SENP6: variants seen among roughly 807,000 people sequenced by gnomAD.
SENP6 encodes SUMO specific peptidase 6.
A neutral mutation model predicts 134.5 loss-of-function variants in SENP6; 41 were observed. The observed-to-expected ratio is 0.30, with a 90% confidence interval of 0.24 to 0.40. The LOEUF is 0.40. Among genes scored for constraint, SENP6 ranks in the 10% least tolerant of loss-of-function variants. SENP6 has a pLI of 1.00. For synonymous variants in SENP6, 395 were observed against 429.8 expected (o/e 0.92, Z 1.00); for missense variants, 1,248 against 1,312.5 (o/e 0.95, Z 0.76).
intron 7 of SENP6, 52 bp downstream of exon 7, chr6:75,647,853 A>G: frequency 7.3e-7 from 1 of 1,363,054 alleles, no homozygotes; most frequent in East Asian, 2.3e-5. Flanking sequence ...TGCTGTATGA[A>G]AAGTACAATG....
chr6:75,682,974 T>C (rs1773569830), intron 16 of SENP6, among the ~76,000 whole-genome samples: 1 of 152,218 alleles, frequency 6.6e-6, no homozygotes, highest in Non-Finnish European at 1.5e-5. Context: ...CCTTGAGGAA[T>C]CGCCACACTG....
At chr6:75,665,583 A>G (rs2149867686) in intron 9 of SENP6, among the ~76,000 whole-genome samples, 1 of 152,328 alleles carries the variant, frequency 6.6e-6, no homozygotes, top group African/African-American at 2.4e-5. Flanking sequence ...CGATTCAGTA[A>G]TGAGTACAAG....
At chr6:75,691,106 G>T (rs1164899391) in intron 16 of SENP6, among the ~76,000 whole-genome samples, 1 of 149,688 alleles carries the variant, frequency 6.7e-6, no homozygotes, top group Non-Finnish European at 1.5e-5. Flanking sequence ...GGCCTCCAAA[G>T]TGCTGGAATT....
At chr6:75,603,734 TACTC>T (rs546244343) in intron 1 of SENP6, among the ~76,000 whole-genome samples, 1 of 152,198 alleles carries the variant, frequency 6.6e-6, no homozygotes, top group Non-Finnish European at 1.5e-5. Flanking sequence ...ACACAGTAGG[TACTC>T]AGTGTTAGTC....
At position 75,695,933 on chromosome 6, in the gene SENP6, ACT is replaced by A. The variant is rs1229524506; in HGVS notation, c.2195+13_2195+14del. On this transcript the variant is annotated intron_variant, in intron 17 of 23. Transcript: ENST00000447266. The stretch of plus-strand genomic sequence containing the variant: ...AAACAACTAATCTGTCGTAAGTCAA[ACT>A]CTGAAAATATTTAACAGATGTAAGT... The A allele has an allele frequency of 1.1e-5, 18 of 1,574,998 alleles. No individual in the cohort carries two copies. The highest frequency in any genetic ancestry group is 1.5e-5 in the Non-Finnish European group (17 of 1,166,836).
At chr6:75,647,981 GCA>G (rs762725440) in intron 7 of SENP6, among the ~76,000 whole-genome samples, 180 bp downstream of exon 7, 24 of 152,158 alleles carry the variant, frequency 1.6e-4, no homozygotes, top group Non-Finnish European at 2.2e-4. Flanking sequence ...TGGAACAGTT[GCA>G]CAGTTAGGTG....
chr6:75,666,159 GATAT>G (rs200170034), intron 9 of SENP6, among the ~76,000 whole-genome samples: 56 of 119,684 alleles, frequency 4.7e-4, no homozygotes, highest in Non-Finnish European at 7.3e-5. Flanking sequence ...AAACATATAT[GATAT>G]ATATATAAAA....
At chr6:75,698,251 G>T (rs912658481) in intron 18 of SENP6, among the ~76,000 whole-genome samples, 5 of 152,206 alleles carry the variant, frequency 3.3e-5, no homozygotes, top group Admixed American at 2.0e-4. Context: ...GTGATATGGG[G>T]GAGGGTCTAA....
intron 18 of SENP6, among the ~76,000 whole-genome samples, chr6:75,701,578 C>T (rs1257021857): frequency 9.6e-6 from 1 of 103,692 alleles, no homozygotes; most frequent in African/African-American, 4.0e-5. Context: ...ATATGCAATT[C>T]TTAGAATGTT....
rs571583821 is a variant in SENP6 at position 75,681,372 on chromosome 6, G to C, written c.2075+2445G>C. On this transcript the variant is annotated intron_variant, in intron 16 of 23. Coordinates refer to ENST00000447266, the MANE Select transcript of SENP6 (RefSeq NM_015571.4). ...TCCCTCATGATTCCAAGTTTCCTGAGGCCTCCACAGCTACGCTTCCTGTAT... is the reference window on the plus strand; with the variant it reads ...TCCCTCATGATTCCAAGTTTCCTGACGCCTCCACAGCTACGCTTCCTGTAT... 8.5e-5 allele frequency among the ~76,000 whole-genome samples: 13 copies of C among 152,180 alleles called. No homozygotes were observed. In the South Asian group the frequency reaches 1.9e-3, roughly 22 times the overall value.
chr6:75,671,867 T>G (rs1772706196), intron 11 of SENP6, among the ~76,000 whole-genome samples: 1 of 152,132 alleles, frequency 6.6e-6, no homozygotes, highest in South Asian at 2.1e-4. Context: ...AAAAAATTGT[T>G]TATAGGAGAA....
chr6:75,711,194 T>C, intron 20 of SENP6, 134 bp from the exon 21 acceptor site: 1 of 563,682 alleles, frequency 1.8e-6, no homozygotes, highest in Non-Finnish European at 3.2e-6. Flanking sequence ...ACATCTCTAG[T>C]GTCTAATCAC....
intron 1 of SENP6, among the ~76,000 whole-genome samples, chr6:75,614,817 T>C (rs1285072077): frequency 1.3e-5 from 2 of 152,212 alleles, no homozygotes; most frequent in Non-Finnish European, 2.9e-5. Flanking sequence ...AGATGTTTGC[T>C]GAAGGTTTGG....
chr6:75,602,244 G>A lies in SENP6; in HGVS notation c.-281G>A. The A allele has an allele frequency of 2.7e-6, 1 of 364,572 alleles. No individual in the cohort carries two copies. Among genetic ancestry groups the A allele is most frequent in the Non-Finnish European group, 4.9e-6 (1 of 204,474 alleles). 22.6% of individuals were successfully genotyped at this position (364,572 alleles called of 1,614,324 possible). A position where few individuals can be genotyped will look rare whatever the true frequency, so the allele number is the denominator to read the frequency against. On this transcript the variant is annotated 5_prime_UTR_variant, in exon 1 of 24. Coordinates refer to ENST00000447266, the MANE Select transcript of SENP6 (RefSeq NM_015571.4). ...CGTGGGCCGAGAGGAACCGGGCCCG[G>A]GAAGCGCCGTCGTCGTCGTCGCCGG...
intron 2 of SENP6, 103 bp from the exon 3 acceptor site, chr6:75,623,797 T>C (rs1768455601): frequency 2.1e-6 from 2 of 959,898 alleles, no homozygotes; most frequent in African/African-American, 1.7e-5. Context: ...AGAAAAAGTT[T>C]GCTGATTCCC....
chr6:75,652,562 C>T (rs867833243), intron 7 of SENP6, among the ~76,000 whole-genome samples: 2 of 150,264 alleles, frequency 1.3e-5, no homozygotes, highest in South Asian at 2.1e-4. Context: ...TGTGGCCAGG[C>T]GCGGTGGCTC....
chr6:75,658,719 C>G (rs1771530553), intron 7 of SENP6, among the ~76,000 whole-genome samples: 1 of 151,720 alleles, frequency 6.6e-6, no homozygotes, highest in Non-Finnish European at 1.5e-5. Context: ...TGTTTGAATT[C>G]AGATTTTTCT....
At chr6:75,605,114 T>A (rs1766934774) in intron 1 of SENP6, among the ~76,000 whole-genome samples, 1 of 152,250 alleles carries the variant, frequency 6.6e-6, no homozygotes, top group South Asian at 2.1e-4. Flanking sequence ...CTGCATATTT[T>A]GTATTACCAG....
At chr6:75,624,767 T>C (rs999361369) in intron 3 of SENP6, among the ~76,000 whole-genome samples, 1 of 152,204 alleles carries the variant, frequency 6.6e-6, no homozygotes, top group African/African-American at 2.4e-5. Flanking sequence ...ACACACTTTT[T>C]TTCACATTTT....
Sources: gnomAD v4.1 joint callset for allele counts (sites outside exome capture counted in the v4.1 genomes callset) on GRCh38, gnomAD v4.1.1 for gene constraint, MANE v1.5 for transcripts, NCBI Gene and HGNC (gene_info 2026-07-23, HGNC 2026-07-21) for gene names.